Variants in OR6C74 observed in about 807,000 individuals in gnomAD.
The protein encoded by OR6C74 is olfactory receptor 6C74.
For missense variants in OR6C74, 361 were observed against 362.9 expected (o/e 0.99, Z 0.04); for synonymous variants, 142 against 134.2 (o/e 1.06, Z -0.40).
In OR6C74 at chr12:55,252,422, G is replaced by A. The variant is rs114198626; in HGVS notation, c.*4196G>A. ...CCCATTCAAATATGCTTTTTTTTTT[G>A]AAATTGACTACATTAATGTTAATCA... On this transcript the variant is annotated 3_prime_UTR_variant, in exon 2 of 2. Coordinates refer to ENST00000343399, the MANE Select transcript of OR6C74 (RefSeq NM_001005490.2). 1.4e-5 allele frequency among the ~76,000 whole-genome samples: 2 copies of A among 139,414 alleles called. No homozygotes were observed. The highest frequency in any genetic ancestry group is 5.2e-5 in the African/African-American group (2 of 38,488). The allele number at this position is 139,414 out of a possible 152,430, so 91.5% of individuals were successfully genotyped here. A position where few individuals can be genotyped will look rare whatever the true frequency, so the allele number is the denominator to read the frequency against.
In OR6C74 at chr12:55,247,636, T is replaced by A. The variant is rs758849589; in HGVS notation, c.349T>A (p.Ser117Thr). Residue 117 changes from serine (S) to threonine (T), a missense_variant, in exon 2 of 2, where the codon TCC becomes ACC. By Grantham distance (58) the Ser-to-Thr change is moderately conservative (BLOSUM62 1). Coordinates refer to ENST00000343399, the MANE Select transcript of OR6C74 (RefSeq NM_001005490.2). Reference sequence around the variant, plus strand: ...TGAATTTTTTCTTCTGGCTGCCATGTCCTATGAGCGCTATGTGGCCATCTG... The same window carrying A: ...TGAATTTTTTCTTCTGGCTGCCATGACCTATGAGCGCTATGTGGCCATCTG... The part of the protein sequence containing the change: ...ATEFFLLAAM[S>T]YERYVAICKP... 1 of 1,613,892 alleles carries A rather than the reference T, an allele frequency of 6.2e-7. No individual in the cohort carries two copies. Among genetic ancestry groups the A allele is most frequent in the South Asian group, 1.1e-5 (1 of 91,024 alleles).
In OR6C74 at chr12:55,253,481, TC is replaced by T. The variant is rs1198303981; in HGVS notation, c.*5257del. 6.6e-6 allele frequency among the ~76,000 whole-genome samples: 1 copy of T among 152,100 alleles called. No individual in the cohort carries two copies. Among genetic ancestry groups the T allele is most frequent in the African/African-American group, 2.4e-5 (1 of 41,442 alleles). On this transcript the variant is annotated 3_prime_UTR_variant, in exon 2 of 2. Coordinates refer to ENST00000343399, the MANE Select transcript of OR6C74 (RefSeq NM_001005490.2). Reference sequence around the variant, plus strand: ...CTTAGTGAGGGAGACCATATGGTTTTCCACTTGGCCCTGAATATATGTGTTT... The same window carrying T: ...CTTAGTGAGGGAGACCATATGGTTTTCACTTGGCCCTGAATATATGTGTTT...
At position 55,247,769 on chromosome 12, in the gene OR6C74, GTC is replaced by G. The variant is rs1268145800; in HGVS notation, c.485_486del (p.Leu162ProfsTer3). 2 of 1,613,716 alleles carry G rather than the reference GTC, an allele frequency of 1.2e-6. No homozygotes were observed. Among genetic ancestry groups the G allele is most frequent in the African/African-American group, 2.7e-5 (2 of 74,814 alleles). On this transcript the variant is annotated frameshift_variant, in exon 2 of 2. Transcript: ENST00000343399. LOFTEE classifies it low-confidence loss of function (END_TRUNC). ...ATAATTTTTCCGCCACTCCTGATGGGTCTCCAGCTTGATTTCTGTGCAGCCAA... is the reference window on the plus strand; with the variant it reads ...ATAATTTTTCCGCCACTCCTGATGGGTCCAGCTTGATTTCTGTGCAGCCAA...
rs1225166794 is a variant in OR6C74, at chr12:55,247,408, C to T, written c.121C>T (p.Leu41=). 1 of 1,612,790 alleles carries T rather than the reference C, an allele frequency of 6.2e-7. No individual in the cohort carries two copies. Among genetic ancestry groups the T allele is most frequent in the East Asian group, 2.2e-5 (1 of 44,868 alleles). ...CTACATGTTGAGCATCACTGGGAAT[C>T]TAACCATCATCACTCTCACCCTACT... ...FTYMLSITGN[L]TIITLTLLDL... is the part of the protein sequence containing the mutation. Residue 41 remains leucine, a synonymous_variant, in exon 2 of 2, where the codon CTA becomes TTA. Transcript: ENST00000343399.
At position 55,252,414 on chromosome 12, in the gene OR6C74, T is replaced by A. The variant is rs1052001054; in HGVS notation, c.*4188T>A. 6.6e-6 allele frequency among the ~76,000 whole-genome samples: 1 copy of A among 151,756 alleles called. No homozygotes were observed. The highest frequency in any genetic ancestry group is 1.5e-5 in the Non-Finnish European group (1 of 67,824). ...TCTTCAATCCCATTCAAATATGCTT[T>A]TTTTTTTGAAATTGACTACATTAAT... is the stretch of plus-strand genomic sequence containing the variant. On this transcript the variant is annotated 3_prime_UTR_variant, in exon 2 of 2. Transcript: ENST00000343399.
rs1954323637 is a variant in OR6C74, at chr12:55,253,373, C to T, written c.*5147C>T. 6.6e-6 allele frequency among the ~76,000 whole-genome samples: 1 copy of T among 152,032 alleles called. No homozygotes were observed. Among genetic ancestry groups the T allele is most frequent in the Admixed American group, 6.6e-5 (1 of 15,240 alleles). ...TATGTGGATTAAGTCACCACTCCTG[C>T]ATCTTTGTTTTTTAAGTCTTTGATG... is the stretch of plus-strand genomic sequence containing the variant. On this transcript the variant is annotated 3_prime_UTR_variant, in exon 2 of 2. Transcript: ENST00000343399.
rs1489731597 is a variant in OR6C74, at chr12:55,256,585, T to A, written c.*8359T>A. On this transcript the variant is annotated 3_prime_UTR_variant, in exon 2 of 2. Coordinates refer to ENST00000343399, the MANE Select transcript of OR6C74 (RefSeq NM_001005490.2). ...ATACTGTACTTCTGCATACAGATGT[T>A]ATGTTAAAGAACTACTTCATCCCCA... Among the ~76,000 whole-genome samples, 1 of 152,134 alleles carries A rather than the reference T, an allele frequency of 6.6e-6. No homozygotes were observed. The highest frequency in any genetic ancestry group is 1.5e-5 in the Non-Finnish European group (1 of 68,012).
Position 55,254,414 on chromosome 12 carries a change from C to A in OR6C74, c.*6188C>A, listed in dbSNP as rs1217275406. Among the ~76,000 whole-genome samples the A allele has an allele frequency of 6.6e-6, 1 of 151,986 alleles. No individual in the cohort carries two copies. Among genetic ancestry groups the A allele is most frequent in the Non-Finnish European group, 1.5e-5 (1 of 67,964 alleles). On this transcript the variant is annotated 3_prime_UTR_variant, in exon 2 of 2. Transcript: ENST00000343399. Reference sequence around the variant, plus strand: ...ATATATGTAATTCCCAGTTGGGATCCTTTCAGATTTCCAATCAATTAACTT... The same window carrying A: ...ATATATGTAATTCCCAGTTGGGATCATTTCAGATTTCCAATCAATTAACTT...
In OR6C74 at chr12:55,249,530, G is replaced by A. The variant is rs968908213; in HGVS notation, c.*1304G>A. Among the ~76,000 whole-genome samples the A allele has an allele frequency of 2.0e-5, 3 of 151,912 alleles. No individual in the cohort carries two copies. The highest frequency in any genetic ancestry group is 7.2e-5 in the African/African-American group (3 of 41,480). On this transcript the variant is annotated 3_prime_UTR_variant, in exon 2 of 2. Transcript: ENST00000343399. ...AAGAAATTTTATTTGAATTTTACAA[G>A]CATTAGTGAGAAGCTTTAAATATAT...
At position 55,255,313 on chromosome 12, in the gene OR6C74, G is replaced by T. The variant is rs1203368685; in HGVS notation, c.*7087G>T. Among the ~76,000 whole-genome samples, 1 of 152,092 alleles carries T rather than the reference G, an allele frequency of 6.6e-6. No homozygotes were observed. The highest frequency in any genetic ancestry group is 1.5e-5 in the Non-Finnish European group (1 of 68,000). ...AAACAACAGATGTTGGTGAGGATGT[G>T]GAGAAGTAGGAACACTTTTACACTG... On this transcript the variant is annotated 3_prime_UTR_variant, in exon 2 of 2. Transcript: ENST00000343399.
chr12:55,247,830 T>C lies in OR6C74; in HGVS notation c.543T>C (p.Pro181=). Residue 181 remains proline (P), a synonymous_variant, in exon 2 of 2, where the codon CCT becomes CCC. Coordinates refer to ENST00000343399, the MANE Select transcript of OR6C74 (RefSeq NM_001005490.2). ...TVDHFFCDVS[P]ILQLSCTDTD... Reference sequence around the variant, plus strand: ...ATCATTTCTTCTGTGATGTTTCTCCTATACTGCAGCTCTCTTGCACAGACA... The same window carrying C: ...ATCATTTCTTCTGTGATGTTTCTCCCATACTGCAGCTCTCTTGCACAGACA... 1 of 1,614,116 alleles carries C rather than the reference T, an allele frequency of 6.2e-7. No homozygotes were observed.
chr12:55,249,716 A>G lies in OR6C74; in HGVS notation c.*1490A>G, dbSNP rs945786578. Among the ~76,000 whole-genome samples the G allele has an allele frequency of 1.3e-5, 2 of 152,082 alleles. No homozygotes were observed. Among genetic ancestry groups the G allele is most frequent in the Non-Finnish European group, 2.9e-5 (2 of 67,986 alleles). On this transcript the variant is annotated 3_prime_UTR_variant, in exon 2 of 2. Transcript: ENST00000343399. Reference sequence around the variant, plus strand: ...AATAAATATCTAGGGAGTATTCTTTAACTTTCACTATTTGGCTTTCTTTGC... The same window carrying G: ...AATAAATATCTAGGGAGTATTCTTTGACTTTCACTATTTGGCTTTCTTTGC...
intron 1 of OR6C74, 106 bp from the exon 2 acceptor site, chr12:55,247,173 T>G (rs1592244081): frequency 5.2e-6 from 3 of 572,658 alleles, no homozygotes; most frequent in Non-Finnish European, 6.0e-6. Context: ...TTAAAGGAGG[T>G]CGGGTGTGGG....
intron 1 of OR6C74, among the ~76,000 whole-genome samples, chr12:55,245,643 T>G (rs556359196): frequency 3.3e-5 from 5 of 152,190 alleles, no homozygotes; most frequent in African/African-American, 9.6e-5. Context: ...TGCTGTCAAG[T>G]AGGTTATAAT....
At position 55,252,913 on chromosome 12, in the gene OR6C74, A is replaced by T. The variant is rs1954320729; in HGVS notation, c.*4687A>T. ...CTTAGCATATCATCATACATTTCTG[A>T]TTTGCTTCTCTTCCTTTTTTTTCTT... On this transcript the variant is annotated 3_prime_UTR_variant, in exon 2 of 2. Transcript: ENST00000343399. Among the ~76,000 whole-genome samples the T allele has an allele frequency of 6.6e-6, 1 of 151,886 alleles. No individual in the cohort carries two copies. Among genetic ancestry groups the T allele is most frequent in the South Asian group, 2.1e-4 (1 of 4,812 alleles).
In OR6C74 at chr12:55,252,449, C is replaced by A. The variant is rs1396774527; in HGVS notation, c.*4223C>A. Among the ~76,000 whole-genome samples, 1 of 151,334 alleles carries A rather than the reference C, an allele frequency of 6.6e-6. No individual in the cohort carries two copies. The highest frequency in any genetic ancestry group is 1.5e-5 in the Non-Finnish European group (1 of 67,748). On this transcript the variant is annotated 3_prime_UTR_variant, in exon 2 of 2. Coordinates refer to ENST00000343399, the MANE Select transcript of OR6C74 (RefSeq NM_001005490.2). ...AATTGACTACATTAATGTTAATCAGCTGTCTTGATTTTGCATTTTTATGTA... is the reference window on the plus strand; with the variant it reads ...AATTGACTACATTAATGTTAATCAGATGTCTTGATTTTGCATTTTTATGTA...
In OR6C74 at chr12:55,255,688, A is replaced by T. The variant is rs1489602168; in HGVS notation, c.*7462A>T. On this transcript the variant is annotated 3_prime_UTR_variant, in exon 2 of 2. Transcript: ENST00000343399. ...TGCTGGAAACTATCATTCTCAGCAA[A>T]CTAACACAAGAACAGAAAACCAAAC... Among the ~76,000 whole-genome samples, 1 of 152,194 alleles carries T rather than the reference A, an allele frequency of 6.6e-6. No individual in the cohort carries two copies. The highest frequency in any genetic ancestry group is 2.4e-5 in the African/African-American group (1 of 41,444).
rs912767595 is a variant in OR6C74, at chr12:55,255,135, G to T, written c.*6909G>T. Among the ~76,000 whole-genome samples the T allele has an allele frequency of 2.0e-5, 3 of 152,050 alleles. No individual in the cohort carries two copies. Among genetic ancestry groups the T allele is most frequent in the Admixed American group, 2.0e-4 (3 of 15,258 alleles). ...AATAGATGTCTCCCAGGGTGGCCAG[G>T]TTGGGCAGGTTTTCTAGCTATCTCT... On this transcript the variant is annotated 3_prime_UTR_variant, in exon 2 of 2. Coordinates refer to ENST00000343399, the MANE Select transcript of OR6C74 (RefSeq NM_001005490.2).
At position 55,249,462 on chromosome 12, in the gene OR6C74, G is replaced by T. The variant is rs1954297934; in HGVS notation, c.*1236G>T. Among the ~76,000 whole-genome samples, 1 of 150,392 alleles carries T rather than the reference G, an allele frequency of 6.6e-6. No individual in the cohort carries two copies. Among genetic ancestry groups the T allele is most frequent in the Non-Finnish European group, 1.5e-5 (1 of 67,642 alleles). On this transcript the variant is annotated 3_prime_UTR_variant, in exon 2 of 2. Coordinates refer to ENST00000343399, the MANE Select transcript of OR6C74 (RefSeq NM_001005490.2). ...ATTATTATATACATTTTATCTTAAT[G>T]TATTTCCAAGTGTATATAACTTTGT... is the stretch of plus-strand genomic sequence containing the variant.
Sources: allele counts gnomAD v4.1 joint callset (sites outside exome capture counted in the v4.1 genomes callset), GRCh38; gene constraint gnomAD v4.1.1; transcripts MANE v1.5; gene names NCBI Gene and HGNC (gene_info 2026-07-23, HGNC 2026-07-21).